The following CRY1 variants were observed in gnomAD, a reference collection of about 807,000 sequenced individuals.
CRY1 encodes the protein cryptochrome circadian regulator 1, also known as cryptochrome-1.
In CRY1, 45 loss-of-function variants were observed where a neutral mutation model predicts 76.0. That is an observed-to-expected ratio of 0.59 (90% CI 0.47 to 0.76). The LOEUF is 0.76. CRY1 is among the 30% of genes least tolerant of loss of function. The probability of loss-of-function intolerance (pLI) is 0.00; values close to 1 mark genes in which losing one functional copy is unlikely to be tolerated. For synonymous variants in CRY1, 248 were observed against 244.0 expected (o/e 1.02, Z -0.15); for missense variants, 587 against 716.4 (o/e 0.82, Z 2.06).
chr12:107,089,515 A>T (rs944801759), intron 1 of CRY1, among the ~76,000 whole-genome samples: 10 of 151,416 alleles, frequency 6.6e-5, no homozygotes, highest in South Asian at 6.3e-4. Flanking sequence ...TTTTTTTTTT[A>T]AATATAAAAC....
chr12:106,998,659 A>AACACACACACACACAC (rs10522970), intron 7 of CRY1, among the ~76,000 whole-genome samples: 3,551 of 143,362 alleles, frequency 0.025, 100 homozygotes, highest in East Asian at 0.11. Flanking sequence ...TAAGAGATTA[A>AACACACACACACACAC]ACACACACAC....
At chr12:107,041,236 T>C (rs576730772) in intron 1 of CRY1, among the ~76,000 whole-genome samples, 1 of 152,326 alleles carries the variant, frequency 6.6e-6, no homozygotes, top group East Asian at 1.9e-4. Context: ...CCTTAGAATC[T>C]CCACCATTTA....
At chr12:107,006,372 T>C (rs146162134) in intron 2 of CRY1, among the ~76,000 whole-genome samples, 3,469 of 151,136 alleles carry the variant, frequency 0.023, 47 homozygotes, top group African/African-American at 0.039. Flanking sequence ...CGAGGCTCCA[T>C]CTCAAAAAAA....
intron 1 of CRY1, among the ~76,000 whole-genome samples, chr12:107,068,623 A>G (rs1953141397): frequency 6.6e-6 from 1 of 152,108 alleles, no homozygotes; most frequent in Admixed American, 6.6e-5. Context: ...TAAAATGTAC[A>G]ATTCAGTGGC....
At chr12:106,998,801 G>A (rs1036295120) in intron 7 of CRY1, among the ~76,000 whole-genome samples, 1 of 151,974 alleles carries the variant, frequency 6.6e-6, no homozygotes, top group Admixed American at 6.6e-5. Flanking sequence ...CCAGCACTTT[G>A]GGAGGCTGAG....
chr12:107,002,085 A>G, intron 3 of CRY1, 137 bp from the exon 4 acceptor site: 1 of 651,454 alleles, frequency 1.5e-6, no homozygotes, highest in Non-Finnish European at 2.5e-6. Context: ...TGTTATAATG[A>G]CCAAGAAATG....
chr12:107,050,623 G>C (rs906642164), intron 1 of CRY1, among the ~76,000 whole-genome samples: 2 of 152,160 alleles, frequency 1.3e-5, no homozygotes, highest in Non-Finnish European at 2.9e-5. Context: ...TTCCAGTATA[G>C]CCTACAGAAG....
rs1266537047 is a variant in CRY1 at position 107,038,716 on chromosome 12, T to C, written c.159-16524A>G. Reference sequence around the variant, plus strand: ...TTCCTTTCATCCACAGACACACTGATTCAACAGCAATACACAGATCAATTC... The same window carrying C: ...TTCCTTTCATCCACAGACACACTGACTCAACAGCAATACACAGATCAATTC... On this transcript the variant is annotated intron_variant, in intron 1 of 12. Coordinates refer to ENST00000008527, the MANE Select transcript of CRY1 (RefSeq NM_004075.5). 3.9e-5 allele frequency among the ~76,000 whole-genome samples: 6 copies of C among 152,194 alleles called. No individual in the cohort carries two copies. In the East Asian group the frequency reaches 9.6e-4, roughly 24 times the overall value.
chr12:107,074,215 T>C (rs1015334161), intron 1 of CRY1, among the ~76,000 whole-genome samples: 1 of 152,142 alleles, frequency 6.6e-6, no homozygotes, highest in Non-Finnish European at 1.5e-5. Flanking sequence ...AAAAGGGTAT[T>C]TTAACCTCAA....
intron 2 of CRY1, among the ~76,000 whole-genome samples, chr12:107,017,255 T>C (rs1952506765): frequency 6.6e-6 from 1 of 152,272 alleles, no homozygotes; most frequent in South Asian, 2.1e-4. Flanking sequence ...CACTGTGCTC[T>C]AGCACACTGG....
intron 1 of CRY1, among the ~76,000 whole-genome samples, chr12:107,068,538 T>C (rs1953139925): frequency 6.6e-6 from 1 of 152,146 alleles, no homozygotes; most frequent in African/African-American, 2.4e-5. Flanking sequence ...CCTCAAGTGA[T>C]CCACCCTTGT....
chr12:107,083,801 T>C (rs1953360596), intron 1 of CRY1, among the ~76,000 whole-genome samples: 1 of 152,164 alleles, frequency 6.6e-6, no homozygotes, highest in African/African-American at 2.4e-5. Flanking sequence ...ATGCCCTCTC[T>C]CACCACTCCT....
intron 2 of CRY1, among the ~76,000 whole-genome samples, chr12:107,011,092 A>C (rs946624393): frequency 1.3e-5 from 2 of 152,202 alleles, no homozygotes; most frequent in African/African-American, 4.8e-5. Flanking sequence ...CACGCATGTA[A>C]TCCCAGCACT....
intron 1 of CRY1, among the ~76,000 whole-genome samples, chr12:107,086,636 T>G (rs979142749): frequency 2.6e-5 from 4 of 152,216 alleles, no homozygotes; most frequent in Non-Finnish European, 5.9e-5. Flanking sequence ...GGACTGCCAC[T>G]CCAGTGGGTG....
intron 2 of CRY1, among the ~76,000 whole-genome samples, chr12:107,007,056 T>C (rs2136828465): frequency 6.6e-6 from 1 of 152,336 alleles, no homozygotes; most frequent in East Asian, 1.9e-4. Flanking sequence ...TTAAGGGCTG[T>C]TGACTTTGAG....
chr12:107,068,571 T>G (rs1231626230), intron 1 of CRY1, among the ~76,000 whole-genome samples: 1 of 152,104 alleles, frequency 6.6e-6, no homozygotes, highest in Non-Finnish European at 1.5e-5. Context: ...GTGCTGAGAT[T>G]ATAAGCATGA....
intron 7 of CRY1, among the ~76,000 whole-genome samples, chr12:106,999,238 C>T (rs1003176621): frequency 2.0e-5 from 3 of 152,012 alleles, no homozygotes; most frequent in East Asian, 3.9e-4. Flanking sequence ...GAATTCTTTT[C>T]GTGATAGAAA....
At chr12:107,090,199 C>T (rs1953454000) in intron 1 of CRY1, among the ~76,000 whole-genome samples, 1 of 151,990 alleles carries the variant, frequency 6.6e-6, no homozygotes. Context: ...AATCGATTCT[C>T]CTGCCTCAGC....
intron 1 of CRY1, among the ~76,000 whole-genome samples, chr12:107,061,379 T>TC (rs949277138): frequency 6.6e-6 from 1 of 150,986 alleles, no homozygotes; most frequent in Non-Finnish European, 1.5e-5. Flanking sequence ...ATACAGTCTT[T>TC]TTTTTTTTTT....
Sources: allele counts gnomAD v4.1 joint callset (sites outside exome capture counted in the v4.1 genomes callset), GRCh38; gene constraint gnomAD v4.1.1; transcripts MANE v1.5; gene names NCBI Gene and HGNC (gene_info 2026-07-23, HGNC 2026-07-21).